Variants in CNKSR3 observed in about 807,000 individuals in gnomAD.
CNKSR3 encodes CNKSR family member 3.
Under a neutral mutation model 67.7 loss-of-function variants are expected in CNKSR3, and 36 were observed. The ratio of observed to expected loss-of-function variants is 0.53; its 90% CI spans 0.41 to 0.70. The LOEUF (loss-of-function observed/expected upper bound fraction) is 0.70, where lower values mean the gene tolerates loss of function less well. Among genes scored for constraint, CNKSR3 ranks in the 30% least tolerant of loss-of-function variants. The pLI is 0.00. For missense variants in CNKSR3, 630 were observed against 695.2 expected, an observed-to-expected ratio of 0.91 and a Z score of 1.05; for synonymous variants, 281 against 271.4, an observed-to-expected ratio of 1.04 and a Z score of -0.35.
chr6:154,423,239 CGGGAAGAGACTGGACA>C (rs1411649739), intron 7 of CNKSR3, among the ~76,000 whole-genome samples: 1 of 152,138 alleles, frequency 6.6e-6, no homozygotes, highest in Non-Finnish European at 1.5e-5. Flanking sequence ...GCTAATCTAT[CGGGAAGAGACTGGACA>C]TACTGTCTTT....
intron 1 of CNKSR3, among the ~76,000 whole-genome samples, chr6:154,452,975 G>A (rs72997343): frequency 0.011 from 1,693 of 152,230 alleles, 21 homozygotes; most frequent in Admixed American, 0.029. Context: ...TATGGCAGCC[G>A]AAGCAACATA....
chr6:154,436,499 T>C (rs1334488208), intron 4 of CNKSR3, among the ~76,000 whole-genome samples: 1 of 152,138 alleles, frequency 6.6e-6, no homozygotes, highest in Non-Finnish European at 1.5e-5. Flanking sequence ...CAAGGACAAA[T>C]ATTGCTCATT....
chr6:154,442,084 T>C lies in CNKSR3; in HGVS notation c.419+4A>G, dbSNP rs1190053136. On this transcript the variant is annotated splice_donor_region_variant and intron_variant, in intron 3 of 12. Coordinates refer to ENST00000607772, the MANE Select transcript of CNKSR3 (RefSeq NM_173515.4). ...GGGCAGTAAAAGGCACATCTCCAAC[T>C]TACCGGTCCAGCCACGCCAGCAGGG... 12 of 1,598,980 alleles carry C rather than the reference T, an allele frequency of 7.5e-6. No homozygotes were observed. The highest frequency in any genetic ancestry group is 9.4e-6 in the Non-Finnish European group (11 of 1,169,722).
chr6:154,486,787 C>T (rs1482589683), intron 1 of CNKSR3, among the ~76,000 whole-genome samples: 2 of 152,174 alleles, frequency 1.3e-5, no homozygotes, highest in Admixed American at 6.5e-5. Flanking sequence ...AGCCACTACA[C>T]CTGGCCATCT....
intron 4 of CNKSR3, among the ~76,000 whole-genome samples, chr6:154,439,388 T>G (rs1351163370): frequency 6.6e-6 from 1 of 152,086 alleles, no homozygotes. Context: ...AGGCAGAAGT[T>G]CACCCCGTGA....
chr6:154,400,935 A>G lies in CNKSR3; in HGVS notation c.*5419T>C, dbSNP rs1784709432. The G allele has an allele frequency of 6.6e-6, 1 of 152,142 alleles. No homozygotes were observed. Among genetic ancestry groups the G allele is most frequent in the Non-Finnish European group, 1.5e-5 (1 of 68,014 alleles). 9.4% of individuals were successfully genotyped at this position (152,142 alleles called of 1,614,324 possible). On this transcript the variant is annotated 3_prime_UTR_variant, in exon 13 of 13. Transcript: ENST00000607772. ...AATTCCATATGCTATAGGCTACAAA[A>G]TATATATTTAAATTCCCTTAGGTAT...
intron 7 of CNKSR3, among the ~76,000 whole-genome samples, chr6:154,425,992 G>A (rs1785246392): frequency 6.6e-6 from 1 of 152,136 alleles, no homozygotes; most frequent in Non-Finnish European, 1.5e-5. Context: ...TGGGAGAAGT[G>A]GGCTCTCACC....
At chr6:154,412,393 C>T (rs1784929076) in intron 10 of CNKSR3, among the ~76,000 whole-genome samples, 1 of 152,140 alleles carries the variant, frequency 6.6e-6, no homozygotes, top group Non-Finnish European at 1.5e-5. Context: ...TCCTCCTAGC[C>T]CCAGGTTCCT....
chr6:154,459,702 G>A (rs1029347001), intron 1 of CNKSR3, among the ~76,000 whole-genome samples: 4 of 152,180 alleles, frequency 2.6e-5, no homozygotes, highest in South Asian at 2.1e-4. Context: ...ATCGGAAGAC[G>A]TAACCAACGA....
chr6:154,442,282 G>A lies in CNKSR3; in HGVS notation c.225C>T (p.Gly75=). 6.2e-7 allele frequency: 1 copy of A among 1,612,468 alleles called. No homozygotes were observed. Among genetic ancestry groups the A allele is most frequent in the East Asian group, 2.2e-5 (1 of 44,860 alleles). The change falls in exon 3 of 13, where the codon GGC becomes GGT. Residue 75 remains glycine, a synonymous_variant. Transcript: ENST00000607772. ...AVDLLCALNY[G]LETDNMKNLV... is the part of the protein sequence containing the mutation. ...AGTTCTTCATGTTATCAGTTTCGAG[G>A]CCATAATTCTGTGGAAAATAAAATC...
chr6:154,479,428 C>T (rs1292415251), intron 1 of CNKSR3, among the ~76,000 whole-genome samples: 1 of 152,174 alleles, frequency 6.6e-6, no homozygotes, highest in Non-Finnish European at 1.5e-5. Context: ...TGGCCCTCCT[C>T]AAGCCTAAAC....
At chr6:154,460,381 G>GGTGTGTGTGCGTGCAT (rs1786053580) in intron 1 of CNKSR3, among the ~76,000 whole-genome samples, 1 of 152,158 alleles carries the variant, frequency 6.6e-6, no homozygotes. Flanking sequence ...TATGTTTGAA[G>GGTGTGTGTGCGTGCAT]GTGTGTGTGC....
intron 1 of CNKSR3, among the ~76,000 whole-genome samples, chr6:154,467,407 CT>C (rs2114622453): frequency 6.6e-6 from 1 of 152,318 alleles, no homozygotes; most frequent in African/African-American, 2.4e-5. Flanking sequence ...GTAACACTCC[CT>C]CATGGAGGGC....
intron 1 of CNKSR3, among the ~76,000 whole-genome samples, chr6:154,506,427 A>T (rs1358541632): frequency 6.6e-6 from 1 of 152,208 alleles, no homozygotes; most frequent in African/African-American, 2.4e-5. Flanking sequence ...GCCATGTGAC[A>T]TTTCTGGCAC....
chr6:154,470,683 A>G (rs937419956), intron 1 of CNKSR3, among the ~76,000 whole-genome samples: 3 of 152,138 alleles, frequency 2.0e-5, no homozygotes, highest in African/African-American at 7.2e-5. Context: ...TCCATTCATC[A>G]GTTGATGGAC....
chr6:154,406,271 G>T lies in CNKSR3; in HGVS notation c.*83C>A. ...GCATAAGGTCCCTACATAATACTGAGGCTGAAACGAGAAGAGGCTGTCCAC... is the reference window on the plus strand; with the variant it reads ...GCATAAGGTCCCTACATAATACTGATGCTGAAACGAGAAGAGGCTGTCCAC... On this transcript the variant is annotated 3_prime_UTR_variant, in exon 13 of 13. Coordinates refer to ENST00000607772, the MANE Select transcript of CNKSR3 (RefSeq NM_173515.4). 1 of 1,297,176 alleles carries T rather than the reference G, an allele frequency of 7.7e-7. No individual in the cohort carries two copies. The highest frequency in any genetic ancestry group is 1.1e-6 in the Non-Finnish European group (1 of 941,484). The allele number at this position is 1,297,176 out of a possible 1,614,324, so 80.4% of individuals were successfully genotyped here.
rs1040650967 is a variant in CNKSR3 at position 154,468,007 on chromosome 6, G to T, written c.53-17749C>A. Among the ~76,000 whole-genome samples, 8 of 150,112 alleles carry T rather than the reference G, an allele frequency of 5.3e-5. No individual in the cohort carries two copies. In the South Asian group the frequency reaches 1.7e-3, roughly 32 times the overall value. ...ACTCCTGACCTCAGGTGATTTGCCTGCCTCAGCCTCCCAAAGTGCTGGGAT... is the reference window on the plus strand; with the variant it reads ...ACTCCTGACCTCAGGTGATTTGCCTTCCTCAGCCTCCCAAAGTGCTGGGAT... On this transcript the variant is annotated intron_variant, in intron 1 of 12. Coordinates refer to ENST00000607772, the MANE Select transcript of CNKSR3 (RefSeq NM_173515.4).
chr6:154,497,119 T>C (rs1198184265), intron 1 of CNKSR3, among the ~76,000 whole-genome samples: 1 of 152,084 alleles, frequency 6.6e-6, no homozygotes, highest in African/African-American at 2.4e-5. Flanking sequence ...GGCTCACTCC[T>C]GCAATCCCGG....
intron 9 of CNKSR3, chr6:154,414,726 T>A (rs1414990124): frequency 3.7e-6 from 2 of 544,382 alleles, no homozygotes; most frequent in African/African-American, 3.8e-5. Flanking sequence ...CCTTTCCTCT[T>A]CTGTAAAGGA....
Sources: gnomAD v4.1 joint callset for allele counts (sites outside exome capture counted in the v4.1 genomes callset) on GRCh38, gnomAD v4.1.1 for gene constraint, MANE v1.5 for transcripts, NCBI Gene and HGNC (gene_info 2026-07-23, HGNC 2026-07-21) for gene names.